The following TNIK variants were observed in gnomAD, a reference collection of about 807,000 sequenced individuals.
TNIK encodes the protein TRAF2 and NCK interacting kinase, also known as TRAF2 and NCK-interacting protein kinase.
A neutral mutation model predicts 191.3 loss-of-function variants in TNIK; 49 were observed. The ratio of observed to expected loss-of-function variants is 0.26; its 90% CI spans 0.20 to 0.32. TNIK has a LOEUF of 0.32. TNIK is among the 10% of genes least tolerant of loss of function. The pLI, the probability that TNIK is intolerant of heterozygous loss-of-function variation, is 1.00. For synonymous variants in TNIK, 594 were observed against 600.9 expected, an observed-to-expected ratio of 0.99 and a Z score of 0.17; for missense variants, 1,155 against 1,702.3, an observed-to-expected ratio of 0.68 and a Z score of 5.66.
chr3:171,326,323 C>T (rs1476139497), intron 2 of TNIK, among the ~76,000 whole-genome samples: 1 of 152,074 alleles, frequency 6.6e-6, no homozygotes, highest in Non-Finnish European at 1.5e-5. Context: ...CTTTATCTTT[C>T]AAGATACTGA....
chr3:171,310,653 C>T (rs1297324367), intron 2 of TNIK, among the ~76,000 whole-genome samples: 2 of 152,026 alleles, frequency 1.3e-5, no homozygotes, highest in African/African-American at 2.4e-5. Context: ...ATTTCTTTTA[C>T]TTTTTGTATG....
intron 1 of TNIK, among the ~76,000 whole-genome samples, chr3:171,390,718 C>T (rs976986166): frequency 6.6e-6 from 1 of 152,220 alleles, no homozygotes. Context: ...CATCAAGCTG[C>T]TTCTCTGACT....
intron 1 of TNIK, among the ~76,000 whole-genome samples, chr3:171,443,975 G>A (rs984008474): frequency 1.3e-5 from 2 of 152,162 alleles, no homozygotes; most frequent in African/African-American, 2.4e-5. Flanking sequence ...TATCTAGTCT[G>A]ATGATGATTG....
chr3:171,126,910 C>T lies in TNIK; in HGVS notation c.1774-759G>A, dbSNP rs1221188483. Among the ~76,000 whole-genome samples the T allele has an allele frequency of 4.6e-5, 7 of 152,358 alleles. No homozygotes were observed. The East Asian group carries it at 1.3e-3, about 29-fold the overall frequency. On this transcript the variant is annotated intron_variant, in intron 16 of 32. Transcript: ENST00000436636. ...GCAGTCTTTCAGCGAAGTTGTGGCT[C>T]TTAAAGACAAATCATTAAAATCCAG...
chr3:171,380,023 ACACG>A (rs1292415940), intron 1 of TNIK, among the ~76,000 whole-genome samples: 3 of 61,330 alleles, frequency 4.9e-5, no homozygotes, highest in Middle Eastern at 6.0e-3. Context: ...ACACACACAC[ACACG>A]CGCACACACA....
At chr3:171,277,152 T>C (rs1412202616) in intron 2 of TNIK, among the ~76,000 whole-genome samples, 1 of 152,184 alleles carries the variant, frequency 6.6e-6, no homozygotes, top group African/African-American at 2.4e-5. Flanking sequence ...TCATCCCACG[T>C]GGTGCCTTCA....
intron 2 of TNIK, 84 bp from the exon 3 acceptor site, chr3:171,228,305 G>T: frequency 6.8e-7 from 1 of 1,469,514 alleles, no homozygotes; most frequent in Non-Finnish European, 9.5e-7. Flanking sequence ...AAAATTGCTT[G>T]GATCAGTGCT....
chr3:171,079,518 C>T lies in TNIK; in HGVS notation c.3448G>A (p.Val1150Ile). 6.2e-7 allele frequency: 1 copy of T among 1,610,442 alleles called. No individual in the cohort carries two copies. Among genetic ancestry groups the T allele is most frequent in the Non-Finnish European group, 8.5e-7 (1 of 1,178,724 alleles). The change falls in exon 28 of 33, where the codon GTT becomes ATT. Residue 1150 changes from valine to isoleucine, a missense_variant and splice_region_variant. Val to Ile is a conservative substitution (Grantham distance 29, BLOSUM62 3). Coordinates refer to ENST00000436636, the MANE Select transcript of TNIK (RefSeq NM_015028.4). ...TATAATTCCATGTCTTGAGACTTAC[C>T]AACTTTATAATGTATACAGCCTTCC... ...DLEGCIHYKV[V>I]KYERIKFLVI...
chr3:171,297,110 G>A lies in TNIK; in HGVS notation c.124-68889C>T, dbSNP rs139624381. On this transcript the variant is annotated intron_variant, in intron 2 of 32. Transcript: ENST00000436636. ...CTGGACACAGCTATAATTTGGTGTC[G>A]TTTTCAGTGTTGGCTCTGAGATCTC... 6.7e-3 allele frequency among the ~76,000 whole-genome samples: 1,017 copies of A among 152,160 alleles called. 5 individuals are homozygous for A. The highest frequency in any genetic ancestry group is 9.7e-3 in the Non-Finnish European group (660 of 68,004).
At chr3:171,205,761 G>A (rs1739987994) in intron 4 of TNIK, among the ~76,000 whole-genome samples, 1 of 152,166 alleles carries the variant, frequency 6.6e-6, no homozygotes, top group Non-Finnish European at 1.5e-5. Flanking sequence ...CTAATGCAGA[G>A]TAAAAGCCGA....
At chr3:171,216,860 A>G (rs1187965992) in intron 3 of TNIK, among the ~76,000 whole-genome samples, 1 of 152,150 alleles carries the variant, frequency 6.6e-6, no homozygotes, top group East Asian at 1.9e-4. Context: ...ATTACATCAA[A>G]TAGTTTTAAG....
At chr3:171,429,719 G>A (rs1417627684) in intron 1 of TNIK, among the ~76,000 whole-genome samples, 1 of 152,040 alleles carries the variant, frequency 6.6e-6, no homozygotes, top group African/African-American at 2.4e-5. Context: ...CCATATCACT[G>A]CTTACACAAT....
Position 171,133,683 on chromosome 3 carries a change from A to G in TNIK, c.1608+4508T>C, listed in dbSNP as rs147054901. ...TCTCCTATATTTAATCATAAGAGAGATATGCAGAAATGGAGGAAAGATATA... is the reference window on the plus strand; with the variant it reads ...TCTCCTATATTTAATCATAAGAGAGGTATGCAGAAATGGAGGAAAGATATA... On this transcript the variant is annotated intron_variant, in intron 15 of 32. Transcript: ENST00000436636. Among the ~76,000 whole-genome samples the G allele has an allele frequency of 3.5e-3, 535 of 152,312 alleles. 7 individuals carry two copies. The highest frequency in any genetic ancestry group is 0.012 in the African/African-American group (504 of 41,536).
intron 1 of TNIK, among the ~76,000 whole-genome samples, chr3:171,429,995 C>T (rs1725164776): frequency 6.6e-6 from 1 of 152,038 alleles, no homozygotes; most frequent in African/African-American, 2.4e-5. Flanking sequence ...TTTTGGGGAC[C>T]CATCCCAGAC....
At chr3:171,158,470 G>T (rs1161271422) in intron 11 of TNIK, among the ~76,000 whole-genome samples, 1 of 152,218 alleles carries the variant, frequency 6.6e-6, no homozygotes, top group Non-Finnish European at 1.5e-5. Context: ...GCTCGCAGGT[G>T]AACAACTAAA....
At chr3:171,448,354 A>G (rs534177990) in intron 1 of TNIK, among the ~76,000 whole-genome samples, 1 of 152,310 alleles carries the variant, frequency 6.6e-6, no homozygotes, top group East Asian at 1.9e-4. Context: ...CATTTTATAT[A>G]AATGGAATCA....
chr3:171,160,073 G>A (rs539062532), intron 11 of TNIK, among the ~76,000 whole-genome samples: 11 of 152,320 alleles, frequency 7.2e-5, no homozygotes, highest in African/African-American at 1.2e-4. Flanking sequence ...AAAGCAGGGC[G>A]TTTGGTCCTC....
chr3:171,329,774 T>G (rs895955434), intron 2 of TNIK, among the ~76,000 whole-genome samples: 2 of 152,216 alleles, frequency 1.3e-5, no homozygotes, highest in African/African-American at 4.8e-5. Context: ...CTTTCTGCTA[T>G]TTTTGATTCA....
intron 1 of TNIK, among the ~76,000 whole-genome samples, chr3:171,386,775 G>A (rs1324516808): frequency 6.6e-6 from 1 of 152,234 alleles, no homozygotes; most frequent in East Asian, 1.9e-4. Context: ...TTCACATCCA[G>A]TCACTTGCTA....
Sources: gnomAD v4.1 joint callset for allele counts (sites outside exome capture counted in the v4.1 genomes callset) on GRCh38, gnomAD v4.1.1 for gene constraint, MANE v1.5 for transcripts, NCBI Gene and HGNC (gene_info 2026-07-23, HGNC 2026-07-21) for gene names.